GRID1: variants seen among roughly 807,000 people sequenced by gnomAD.
The protein encoded by GRID1 is glutamate ionotropic receptor delta type subunit 1.
A neutral mutation model predicts 98.0 loss-of-function variants in GRID1; 28 were observed. The ratio of observed to expected loss-of-function variants is 0.29; its 90% confidence interval spans 0.21 to 0.39. The LOEUF is 0.39. GRID1 is among the 10% of genes least tolerant of loss of function. The pLI is 1.00. For synonymous variants in GRID1, 553 were observed against 538.5 expected, an observed-to-expected ratio of 1.03 and a Z score of -0.37; for missense variants, 1,111 against 1,340.5, an observed-to-expected ratio of 0.83 and a Z score of 2.67.
At chr10:86,329,434 G>A (rs755232295) in intron 2 of GRID1, among the ~76,000 whole-genome samples, 1 of 152,230 alleles carries the variant, frequency 6.6e-6, no homozygotes, top group Non-Finnish European at 1.5e-5. Flanking sequence ...CTCCATGGAA[G>A]CCAGGAGGAA....
intron 2 of GRID1, among the ~76,000 whole-genome samples, chr10:86,338,067 G>A (rs1179196639): frequency 6.6e-6 from 1 of 152,134 alleles, no homozygotes; most frequent in Admixed American, 6.5e-5. Flanking sequence ...GGCTTGGGCT[G>A]GCCAATGAAA....
chr10:85,815,124 A>T (rs1378894163), intron 8 of GRID1, among the ~76,000 whole-genome samples: 1 of 152,044 alleles, frequency 6.6e-6, no homozygotes, highest in Non-Finnish European at 1.5e-5. Flanking sequence ...AATTCGCCAT[A>T]TGATCACACT....
chr10:85,772,237 A>G (rs955858210), intron 8 of GRID1, among the ~76,000 whole-genome samples: 13 of 152,140 alleles, frequency 8.5e-5, no homozygotes, highest in Non-Finnish European at 1.9e-4. Context: ...GTACATAACG[A>G]AATGAAGGCA....
intron 13 of GRID1, among the ~76,000 whole-genome samples, chr10:85,627,156 G>GA (rs35051732): frequency 2.0e-5 from 3 of 151,732 alleles, no homozygotes; most frequent in Admixed American, 6.6e-5. Context: ...ATTTCCATGG[G>GA]AAAAAAAAGA....
chr10:86,119,336 A>AAAAC (rs573297988), intron 4 of GRID1, among the ~76,000 whole-genome samples: 4 of 152,178 alleles, frequency 2.6e-5, no homozygotes, highest in African/African-American at 4.8e-5. Flanking sequence ...CCCTGTCTCA[A>AAAAC]AAACAAACAA....
intron 4 of GRID1, among the ~76,000 whole-genome samples, chr10:86,131,072 A>G (rs1309025473): frequency 6.6e-6 from 1 of 152,208 alleles, no homozygotes; most frequent in Non-Finnish European, 1.5e-5. Context: ...CCATGTGCAG[A>G]GAATGGCACC....
chr10:86,331,928 G>A (rs1248849428), intron 2 of GRID1, among the ~76,000 whole-genome samples: 4 of 152,210 alleles, frequency 2.6e-5, no homozygotes, highest in Admixed American at 1.3e-4. Context: ...TATCAGACAC[G>A]GGCCTACTGC....
At chr10:85,814,216 T>C (rs1342104953) in intron 8 of GRID1, among the ~76,000 whole-genome samples, 1 of 151,882 alleles carries the variant, frequency 6.6e-6, no homozygotes, top group African/African-American at 2.4e-5. Flanking sequence ...AATTTAAATA[T>C]AAATGCCAGG....
At chr10:85,721,627 A>G (rs1399031044) in intron 12 of GRID1, among the ~76,000 whole-genome samples, 1 of 152,248 alleles carries the variant, frequency 6.6e-6, no homozygotes, top group Non-Finnish European at 1.5e-5. Context: ...TTTATATCAC[A>G]TACTGAAATG....
chr10:86,185,203 T>C (rs914126821), intron 3 of GRID1, among the ~76,000 whole-genome samples: 2 of 152,156 alleles, frequency 1.3e-5, no homozygotes, highest in African/African-American at 4.8e-5. Context: ...TTGCTGATTT[T>C]TGTCAGATTT....
At chr10:85,944,564 G>T (rs1211913872) in intron 4 of GRID1, among the ~76,000 whole-genome samples, 4 of 152,136 alleles carry the variant, frequency 2.6e-5, no homozygotes, top group African/African-American at 9.7e-5. Flanking sequence ...TCTTACAGCA[G>T]TAAAAAATGT....
intron 4 of GRID1, among the ~76,000 whole-genome samples, chr10:86,064,458 GAGGTGCT>G (rs1554850569): frequency 6.6e-6 from 1 of 152,246 alleles, no homozygotes; most frequent in Non-Finnish European, 1.5e-5. Context: ...CAAGTTACCA[GAGGTGCT>G]AGGCATCAGA....
chr10:85,763,606 T>A (rs1248865700), intron 8 of GRID1, among the ~76,000 whole-genome samples: 1 of 152,248 alleles, frequency 6.6e-6, no homozygotes, highest in African/African-American at 2.4e-5. Flanking sequence ...TCATTTGTAA[T>A]GCACATTTTT....
intron 4 of GRID1, among the ~76,000 whole-genome samples, chr10:86,125,433 A>T (rs1485482919): frequency 6.6e-6 from 1 of 152,230 alleles, no homozygotes; most frequent in Non-Finnish European, 1.5e-5. Flanking sequence ...AACCAATACC[A>T]ATGATCACCA....
At chr10:85,776,160 G>A (rs1215324137) in intron 8 of GRID1, among the ~76,000 whole-genome samples, 1 of 152,158 alleles carries the variant, frequency 6.6e-6, no homozygotes, top group East Asian at 1.9e-4. Context: ...GCCCTTGCCT[G>A]CTGGAGGAAA....
chr10:86,275,654 G>A (rs1341851409), intron 2 of GRID1, among the ~76,000 whole-genome samples: 1 of 152,032 alleles, frequency 6.6e-6, no homozygotes, highest in Non-Finnish European at 1.5e-5. Context: ...TTCATTAGGG[G>A]GTTAAAGAGC....
At chr10:85,634,350 T>C (rs1173407615) in intron 13 of GRID1, among the ~76,000 whole-genome samples, 2 of 149,536 alleles carry the variant, frequency 1.3e-5, no homozygotes, top group Non-Finnish European at 3.0e-5. Context: ...CCAGAGCAAA[T>C]CTTAATATCC....
intron 2 of GRID1, among the ~76,000 whole-genome samples, chr10:86,358,894 A>G (rs1290839832): frequency 6.6e-6 from 1 of 151,964 alleles, no homozygotes; most frequent in East Asian, 1.9e-4. Flanking sequence ...CCAGGTCAGC[A>G]TGAGAGGATG....
chr10:86,091,407 C>T (rs999372508), intron 4 of GRID1, among the ~76,000 whole-genome samples: 3 of 152,014 alleles, frequency 2.0e-5, no homozygotes, highest in African/African-American at 7.3e-5. Context: ...TCAGAGGCAG[C>T]CATAATCCTC....
Sources: allele counts gnomAD v4.1 joint callset (sites outside exome capture counted in the v4.1 genomes callset), GRCh38; gene constraint gnomAD v4.1.1; transcripts MANE v1.5; gene names NCBI Gene and HGNC (gene_info 2026-07-23, HGNC 2026-07-21).